KIF6: variants seen among roughly 807,000 people sequenced by gnomAD.
The protein encoded by KIF6 is kinesin family member 6, also known as kinesin-like protein KIF6.
KIF6 carries 106 observed loss-of-function variants against 112.7 expected under a neutral mutation model. The ratio of observed to expected loss-of-function variants is 0.94; its 90% confidence interval spans 0.80 to 1.11. KIF6 has a LOEUF of 1.11. KIF6 is among the 50% of genes least tolerant of loss of function. The pLI is 0.00. For synonymous variants in KIF6, 339 were observed against 339.9 expected, an observed-to-expected ratio of 1.00 and a Z score of 0.03; for missense variants, 929 against 964.0, an observed-to-expected ratio of 0.96 and a Z score of 0.48.
intron 16 of KIF6, among the ~76,000 whole-genome samples, chr6:39,362,781 T>C (rs1250469780): frequency 6.6e-6 from 1 of 152,180 alleles, no homozygotes; most frequent in African/African-American, 2.4e-5. Flanking sequence ...CTAATCCTTT[T>C]ACTATTGAGC....
intron 5 of KIF6, among the ~76,000 whole-genome samples, chr6:39,629,456 T>C (rs746294344): frequency 3.3e-5 from 5 of 152,142 alleles, no homozygotes; most frequent in Non-Finnish European, 4.4e-5. Flanking sequence ...ATTTGCCATA[T>C]GTGTATCTTC....
At chr6:39,649,540 A>G (rs1785352186) in intron 3 of KIF6, among the ~76,000 whole-genome samples, 1 of 152,204 alleles carries the variant, frequency 6.6e-6, no homozygotes, top group Admixed American at 6.5e-5. Flanking sequence ...TGTTTGGTCA[A>G]CACTGTCTTT....
In KIF6 at chr6:39,343,798, A is replaced by C. The variant is rs754709312; in HGVS notation, c.2339T>G (p.Val780Gly). Residue 780 changes from valine to glycine, a missense_variant, in exon 22 of 23, where the codon GTG (valine) becomes GGG (glycine). By Grantham distance (109) the Val-to-Gly change is moderately radical (BLOSUM62 -3). Coordinates refer to ENST00000287152, the MANE Select transcript of KIF6 (RefSeq NM_145027.6). The surrounding 1 kb of genome is among the most constrained non-coding windows in gnomAD (Gnocchi z 4.1). ...PLEDSIPKRP[V>G]SSIPLTGDSQ... ...GTCTCCGGTGAGAGGGATGGACGAC[A>C]CTGGCCTCTTGGGGATGCTGGAGGC... 4 of 1,608,786 alleles carry C rather than the reference A, an allele frequency of 2.5e-6. No individual in the cohort carries two copies. The highest frequency in any genetic ancestry group is 3.4e-6 in the Non-Finnish European group (4 of 1,177,886).
intron 16 of KIF6, among the ~76,000 whole-genome samples, chr6:39,374,851 C>A (rs1348121325): frequency 6.6e-6 from 1 of 152,196 alleles, no homozygotes; most frequent in Non-Finnish European, 1.5e-5. Flanking sequence ...CCATGTGATC[C>A]AGCAACCTTG....
intron 3 of KIF6, among the ~76,000 whole-genome samples, chr6:39,697,117 G>A (rs191027298): frequency 6.6e-6 from 1 of 152,118 alleles, no homozygotes; most frequent in African/African-American, 2.4e-5. Context: ...TATCTGCCAA[G>A]TTTGTTTTCT....
intron 3 of KIF6, chr6:39,691,968 A>C (rs160020): frequency 0.87 from 132,022 of 152,162 alleles, 57,568 homozygotes; most frequent in East Asian, 0.97. Flanking sequence ...AAACAAAAAC[A>C]AACCAAAAGG....
At chr6:39,340,663 A>G (rs16891965) in intron 22 of KIF6, among the ~76,000 whole-genome samples, 13,545 of 152,216 alleles carry the variant, frequency 0.089, 1,904 homozygotes, top group African/African-American at 0.3. Flanking sequence ...AGTTTGCCAT[A>G]CATATTTTAA....
intron 13 of KIF6, among the ~76,000 whole-genome samples, chr6:39,465,087 G>A (rs984497917): frequency 9.9e-5 from 15 of 152,148 alleles, no homozygotes; most frequent in African/African-American, 2.9e-4. Context: ...CCAGATGTCC[G>A]TGCGTTTCTC....
chr6:39,480,645 T>C (rs1774738236), intron 13 of KIF6, among the ~76,000 whole-genome samples: 1 of 152,218 alleles, frequency 6.6e-6, no homozygotes, highest in Non-Finnish European at 1.5e-5. Context: ...CAATTCTTCT[T>C]TGAATGTCTG....
chr6:39,669,435 A>T (rs1786674264), intron 3 of KIF6, among the ~76,000 whole-genome samples: 1 of 152,252 alleles, frequency 6.6e-6, no homozygotes, highest in Admixed American at 6.5e-5. Flanking sequence ...TTAAAAGCTG[A>T]CCTGCATAAT....
chr6:39,703,324 A>G (rs1322110451), intron 3 of KIF6, among the ~76,000 whole-genome samples: 2 of 152,090 alleles, frequency 1.3e-5, no homozygotes, highest in Non-Finnish European at 2.9e-5. Flanking sequence ...ACAAAAGACT[A>G]TGAAAGGAAG....
intron 16 of KIF6, among the ~76,000 whole-genome samples, chr6:39,376,623 G>C (rs1234096511): frequency 6.6e-6 from 1 of 152,214 alleles, no homozygotes; most frequent in Non-Finnish European, 1.5e-5. Flanking sequence ...CACTGTGCTT[G>C]GTGTTGGGGA....
chr6:39,466,705 C>T (rs372945997), intron 13 of KIF6, among the ~76,000 whole-genome samples: 4 of 152,192 alleles, frequency 2.6e-5, no homozygotes, highest in South Asian at 4.2e-4. Context: ...AAGCAGGCCA[C>T]CCACATTTCT....
chr6:39,471,332 T>C (rs1337355570), intron 13 of KIF6, among the ~76,000 whole-genome samples: 6 of 152,152 alleles, frequency 3.9e-5, no homozygotes, highest in Non-Finnish European at 2.9e-5. Flanking sequence ...TGCCTCTGCC[T>C]GCAGGCCCAC....
At chr6:39,534,920 A>G (rs1387522522) in intron 13 of KIF6, among the ~76,000 whole-genome samples, 1 of 152,228 alleles carries the variant, frequency 6.6e-6, no homozygotes, top group Non-Finnish European at 1.5e-5. Context: ...ACGTTCTTAA[A>G]GAAAAGAATT....
intron 9 of KIF6, chr6:39,583,283 C>T (rs9380883): frequency 2.5e-6 from 1 of 404,454 alleles, no homozygotes; most frequent in East Asian, 7.2e-5. Flanking sequence ...TATAGGGCTT[C>T]TGGAAGGGTA....
At chr6:39,500,555 C>T (rs1239440937) in intron 13 of KIF6, among the ~76,000 whole-genome samples, 1 of 152,188 alleles carries the variant, frequency 6.6e-6, no homozygotes, top group Non-Finnish European at 1.5e-5. Context: ...GGTTTTGCTA[C>T]TTACTAATGT....
intron 3 of KIF6, among the ~76,000 whole-genome samples, chr6:39,702,903 G>T (rs302597): frequency 0.87 from 131,578 of 151,762 alleles, 57,332 homozygotes; most frequent in East Asian, 0.97. Context: ...TCATTTGCAT[G>T]CAAAAATTTG....
At chr6:39,722,816 G>T (rs1216161845) in intron 1 of KIF6, among the ~76,000 whole-genome samples, 1 of 152,154 alleles carries the variant, frequency 6.6e-6, no homozygotes, top group Middle Eastern at 3.2e-3. Context: ...GTGTATGTGT[G>T]TGTGACACCT....
Sources: allele counts gnomAD v4.1 joint callset (sites outside exome capture counted in the v4.1 genomes callset), GRCh38; gene constraint gnomAD v4.1.1; non-coding constraint Gnocchi (gnomAD v3.1); transcripts MANE v1.5; gene names NCBI Gene and HGNC (gene_info 2026-07-23, HGNC 2026-07-21).